The following DPT variants were observed in gnomAD, a reference collection of about 807,000 sequenced individuals.
DPT encodes the protein tyrosine-rich acidic matrix protein.
In DPT, 21 loss-of-function variants were observed where a neutral mutation model predicts 31.2. That is an observed-to-expected ratio of 0.67 (90% CI 0.48 to 0.97). The LOEUF (loss-of-function observed/expected upper bound fraction) is 0.97. Ranked by LOEUF, DPT falls within the 50% of genes least tolerant of loss-of-function variation. The pLI is 0.00. For missense variants in DPT, 262 were observed against 258.8 expected (o/e 1.01, Z -0.08); for synonymous variants, 91 against 86.9 (o/e 1.05, Z -0.26).
chr1:168,720,379 G>A (rs192633646), intron 1 of DPT, among the ~76,000 whole-genome samples: 2 of 152,316 alleles, frequency 1.3e-5, no homozygotes, highest in East Asian at 1.9e-4. Flanking sequence ...CTATTGGACA[G>A]GCAGAATTAC....
Position 168,728,934 on chromosome 1 carries a change from G to T in DPT, c.241C>A (p.Pro81Thr). 6.2e-7 allele frequency: 1 copy of T among 1,614,202 alleles called. No homozygotes were observed. The highest frequency in any genetic ancestry group is 8.5e-7 in the Non-Finnish European group (1 of 1,180,040). The change falls in exon 1 of 4, where the codon CCA (proline) becomes ACA (threonine). Residue 81 changes from proline (P) to threonine (T), a missense_variant. Transcript: ENST00000367817. Reference protein sequence around the residue: ...RQWNYACMPTPQSLGEPTECW... With the variant: ...RQWNYACMPTTQSLGEPTECW... ...TCCGTGGGTTCCCCGAGGCTCTGTG[G>T]CGTGGGCATGCAGGCGTAGTTCCAT...
chr1:168,701,174 C>A, intron 2 of DPT, 50 bp from the exon 3 acceptor site: 12 of 1,387,140 alleles, frequency 8.7e-6, no homozygotes, highest in Non-Finnish European at 1.2e-5. Context: ...ATTATTATTG[C>A]TGGGAGCAAA....
At chr1:168,726,896 G>A (rs1013552036) in intron 1 of DPT, among the ~76,000 whole-genome samples, 4 of 152,222 alleles carry the variant, frequency 2.6e-5, no homozygotes, top group Admixed American at 2.6e-4. Context: ...GGGGGTGGAT[G>A]AGAATGGCCC....
chr1:168,696,283 T>C lies in DPT; in HGVS notation c.*266A>G, dbSNP rs1649464599. ...GCTGTAAGCATGCGCACTGTATATG[T>C]GGTGTGCAAGGAAGCCATCATCAGT... On this transcript the variant is annotated 3_prime_UTR_variant, in exon 4 of 4. Transcript: ENST00000367817. 1.8e-6 allele frequency: 1 copy of C among 559,554 alleles called. No individual in the cohort carries two copies. The highest frequency in any genetic ancestry group is 1.9e-5 in the African/African-American group (1 of 53,162). 34.7% of individuals were successfully genotyped at this position (559,554 alleles called of 1,614,324 possible).
Position 168,729,106 on chromosome 1 carries a change from A to G in DPT, c.69T>C (p.Tyr23=), listed in dbSNP as rs1276558818. Residue 23 remains tyrosine (Y), a synonymous_variant, in exon 1 of 4, where the codon TAT becomes TAC. Transcript: ENST00000367817. ...CATGATACTGCTGGTATGGGTATCC[A>G]TAATCGCCATACTGGCCCCAGGCCA... is the stretch of plus-strand genomic sequence containing the variant. The part of the protein sequence containing the change: ...VTMAWGQYGD[Y]GYPYQQYHDY... The G allele has an allele frequency of 6.2e-7, 1 of 1,614,214 alleles. No individual in the cohort carries two copies. The highest frequency in any genetic ancestry group is 8.5e-7 in the Non-Finnish European group (1 of 1,180,040).
chr1:168,713,868 TGAG>T (rs556737321), intron 2 of DPT, among the ~76,000 whole-genome samples: 129 of 152,164 alleles, frequency 8.5e-4, no homozygotes, highest in African/African-American at 2.8e-3. Flanking sequence ...TTGGATATGA[TGAG>T]AAGTTACCAG....
rs376361810 is a variant in DPT at position 168,712,276 on chromosome 1, C to A, written c.431+1945G>T. Among the ~76,000 whole-genome samples the A allele has an allele frequency of 6.6e-5, 10 of 152,204 alleles. No individual in the cohort carries two copies. In the East Asian group the frequency reaches 1.7e-3, roughly 27 times the overall value. On this transcript the variant is annotated intron_variant, in intron 2 of 3. Transcript: ENST00000367817. The stretch of plus-strand genomic sequence containing the variant: ...CCAACATCCAGGCCTCCAGCTGCCC[C>A]TAGGCTGTCCATGTTCCCCTTCCTC...
At chr1:168,700,909 G>C in intron 3 of DPT, 108 bp downstream of exon 3, 1 of 413,528 alleles carries the variant, frequency 2.4e-6, no homozygotes, top group Non-Finnish European at 4.1e-6. Flanking sequence ...GTGTGTGTGG[G>C]TGTGTGTGTG....
chr1:168,703,522 G>A (rs1443435165), intron 2 of DPT, among the ~76,000 whole-genome samples: 1 of 152,232 alleles, frequency 6.6e-6, no homozygotes, highest in Non-Finnish European at 1.5e-5. Context: ...TCTCCATGAG[G>A]TACTGATGTC....
At chr1:168,699,450 C>T (rs1572623400) in intron 3 of DPT, among the ~76,000 whole-genome samples, 1 of 152,110 alleles carries the variant, frequency 6.6e-6, no homozygotes, top group African/African-American at 2.4e-5. Flanking sequence ...AAATTGGTAA[C>T]TAAGCTAGTT....
chr1:168,726,943 C>G (rs547398882), intron 1 of DPT, among the ~76,000 whole-genome samples: 1 of 152,364 alleles, frequency 6.6e-6, no homozygotes, highest in East Asian at 1.9e-4. Context: ...AGCCCCGGCA[C>G]CCTCACCTGC....
chr1:168,713,746 A>C (rs1649916515), intron 2 of DPT, among the ~76,000 whole-genome samples: 1 of 152,032 alleles, frequency 6.6e-6, no homozygotes, highest in Non-Finnish European at 1.5e-5. Context: ...TAATTTTTTA[A>C]TATTTTATTT....
intron 3 of DPT, among the ~76,000 whole-genome samples, chr1:168,698,791 G>A (rs1452788900): frequency 6.6e-6 from 1 of 152,178 alleles, no homozygotes; most frequent in African/African-American, 2.4e-5. Flanking sequence ...AAACCACTAT[G>A]ATTTGCATGT....
chr1:168,717,993 T>A (rs2101909066), intron 1 of DPT, among the ~76,000 whole-genome samples: 1 of 152,282 alleles, frequency 6.6e-6, no homozygotes, highest in South Asian at 2.1e-4. Flanking sequence ...AATATGAAGC[T>A]CTAAGAATCA....
chr1:168,726,177 C>A (rs1650237825), intron 1 of DPT, among the ~76,000 whole-genome samples: 1 of 152,246 alleles, frequency 6.6e-6, no homozygotes, highest in African/African-American at 2.4e-5. Flanking sequence ...GGAAAGGAAA[C>A]CAAAATTACT....
intron 1 of DPT, among the ~76,000 whole-genome samples, chr1:168,722,044 T>G (rs1265351092): frequency 6.6e-6 from 1 of 152,118 alleles, no homozygotes; most frequent in African/African-American, 2.4e-5. Context: ...CAGGTTTTTT[T>G]GGAAAAATAC....
At chr1:168,712,409 T>C (rs1557848775) in intron 2 of DPT, among the ~76,000 whole-genome samples, 1 of 152,240 alleles carries the variant, frequency 6.6e-6, no homozygotes, top group South Asian at 2.1e-4. Flanking sequence ...ATGTGTTCCT[T>C]TGGAGTCTGA....
At chr1:168,696,674 C>T (rs1649474048) in intron 3 of DPT, 59 bp from the exon 4 acceptor site, 17 of 1,475,194 alleles carry the variant, frequency 1.2e-5, no homozygotes, top group Admixed American at 8.7e-5. Context: ...CAGGAAGAAT[C>T]GCTGCTGGGG....
chr1:168,707,753 C>G (rs1327930719), intron 2 of DPT, among the ~76,000 whole-genome samples: 1 of 152,190 alleles, frequency 6.6e-6, no homozygotes, highest in Non-Finnish European at 1.5e-5. Context: ...TTATAAGGGG[C>G]TTTTCCCCCT....
Sources: allele counts gnomAD v4.1 joint callset (sites outside exome capture counted in the v4.1 genomes callset), GRCh38; gene constraint gnomAD v4.1.1; transcripts MANE v1.5; gene names NCBI Gene and HGNC (gene_info 2026-07-23, HGNC 2026-07-21).